The following CCSER1 variants were observed in gnomAD, a reference collection of about 807,000 sequenced individuals.
CCSER1 encodes coiled-coil serine rich protein 1, also known as serine-rich coiled-coil domain-containing protein 1.
Under a neutral mutation model 82.0 loss-of-function variants are expected in CCSER1, and 41 were observed. The observed-to-expected ratio is 0.50, with a 90% CI of 0.39 to 0.65. The LOEUF is 0.65. CCSER1 is among the 30% of genes least tolerant of loss of function. CCSER1 has a pLI of 0.00. For missense variants in CCSER1, 1,119 were observed against 1,064.2 expected, an observed-to-expected ratio of 1.05 and a Z score of -0.72; for synonymous variants, 414 against 383.9, an observed-to-expected ratio of 1.08 and a Z score of -0.92.
intron 3 of CCSER1, among the ~76,000 whole-genome samples, chr4:90,324,664 C>G (rs561153780): frequency 1.2e-4 from 18 of 151,466 alleles, no homozygotes; most frequent in African/African-American, 4.4e-4. Context: ...TGCAGAAGCT[C>G]TTTAGTTTAA....
chr4:91,117,454 A>T (rs916225456), intron 10 of CCSER1, among the ~76,000 whole-genome samples: 2 of 152,238 alleles, frequency 1.3e-5, no homozygotes, highest in Non-Finnish European at 2.9e-5. Context: ...AGCTTATAAC[A>T]TTCTTAGAAT....
chr4:91,128,630 G>C (rs1727718682), intron 10 of CCSER1, among the ~76,000 whole-genome samples: 1 of 152,054 alleles, frequency 6.6e-6, no homozygotes, highest in African/African-American at 2.4e-5. Flanking sequence ...AATATGGGTT[G>C]GCCAAAGAGC....
intron 1 of CCSER1, among the ~76,000 whole-genome samples, chr4:90,154,821 G>T (rs1295525938): frequency 1.2e-4 from 18 of 151,036 alleles, no homozygotes; most frequent in African/African-American, 4.1e-4. Flanking sequence ...CATGTCATCT[G>T]CAAACAGGGA....
chr4:90,814,172 A>T (rs1758706046), intron 7 of CCSER1, among the ~76,000 whole-genome samples: 1 of 152,184 alleles, frequency 6.6e-6, no homozygotes, highest in Admixed American at 6.5e-5. Flanking sequence ...GGCCCCTATT[A>T]GCCATGACTG....
At chr4:91,153,417 T>G (rs1276535247) in intron 10 of CCSER1, among the ~76,000 whole-genome samples, 1 of 151,928 alleles carries the variant, frequency 6.6e-6, no homozygotes, top group Non-Finnish European at 1.5e-5. Flanking sequence ...CGTCTAATCT[T>G]TTTTCAATGT....
chr4:90,911,295 G>T (rs1277864658), intron 8 of CCSER1: 1 of 455,998 alleles, frequency 2.2e-6, no homozygotes, highest in Non-Finnish European at 4.4e-6. Context: ...GGTTTTATTT[G>T]CTTGGCTGTG....
intron 5 of CCSER1, among the ~76,000 whole-genome samples, chr4:90,578,658 G>A (rs1159383054): frequency 6.6e-6 from 1 of 152,076 alleles, no homozygotes; most frequent in Middle Eastern, 3.2e-3. Context: ...AACGTTAATT[G>A]TATCTGCAAT....
chr4:90,739,794 C>A (rs561375379), intron 7 of CCSER1, among the ~76,000 whole-genome samples: 1 of 152,312 alleles, frequency 6.6e-6, no homozygotes, highest in Admixed American at 6.5e-5. Context: ...CTCCTTGAAG[C>A]ACACAGATTC....
Position 90,932,974 on chromosome 4 carries a change from GAAAGAAAGAGAAAGAAAGAAAGAA to G in CCSER1, c.2172+9529_2172+9552del, listed in dbSNP as rs1561384921. Among the ~76,000 whole-genome samples the G allele has an allele frequency of 3.9e-4, 12 of 30,464 alleles. 1 individual carries two copies. Among genetic ancestry groups the G allele is most frequent in the Non-Finnish European group, 6.3e-4 (11 of 17,512 alleles). The allele number at this position is 30,464 out of a possible 152,430, so 20.0% of individuals were successfully genotyped here. On this transcript the variant is annotated intron_variant, in intron 9 of 10. Coordinates refer to ENST00000509176, the MANE Select transcript of CCSER1 (RefSeq NM_001145065.2). ...AGAAAGAAAGAAAGAAAGAAAGAAA[GAAAGAAAGAGAAAGAAAGAAAGAA>G]AGAAAGAAAGAAAGAAAGAAAGAAA... is the stretch of plus-strand genomic sequence containing the variant.
At chr4:90,171,395 A>C (rs538975508) in intron 1 of CCSER1, among the ~76,000 whole-genome samples, 1 of 152,018 alleles carries the variant, frequency 6.6e-6, no homozygotes, top group South Asian at 2.1e-4. Flanking sequence ...AATATTTGTG[A>C]TGTAAAGTAA....
chr4:90,369,337 G>A (rs1412915356), intron 3 of CCSER1, among the ~76,000 whole-genome samples: 1 of 126,420 alleles, frequency 7.9e-6, no homozygotes, highest in African/African-American at 3.2e-5. Context: ...GAAGAAAGAA[G>A]AAGAAGAAAG....
intron 7 of CCSER1, among the ~76,000 whole-genome samples, chr4:90,747,271 C>G (rs546340646): frequency 6.6e-6 from 1 of 152,028 alleles, no homozygotes; most frequent in Non-Finnish European, 1.5e-5. Flanking sequence ...TGAAAGTTAC[C>G]TGAAATAATG....
intron 5 of CCSER1, among the ~76,000 whole-genome samples, chr4:90,583,705 A>C (rs1368803657): frequency 6.6e-6 from 1 of 152,096 alleles, no homozygotes; most frequent in Non-Finnish European, 1.5e-5. Flanking sequence ...AAACGAGAAT[A>C]CCTTTTTATG....
intron 5 of CCSER1, among the ~76,000 whole-genome samples, chr4:90,533,501 CT>C (rs376748074): frequency 2.3e-4 from 35 of 152,336 alleles, no homozygotes; most frequent in East Asian, 1.5e-3. Flanking sequence ...CTTCTGCTCT[CT>C]TTGCATAATT....
intron 5 of CCSER1, among the ~76,000 whole-genome samples, chr4:90,606,038 A>AT (rs1221309114): frequency 1.6e-4 from 24 of 152,148 alleles, no homozygotes; most frequent in Non-Finnish European, 3.2e-4. Context: ...CCTATTGATT[A>AT]TAATTTCATT....
chr4:90,603,554 G>A (rs959860333), intron 5 of CCSER1, among the ~76,000 whole-genome samples: 2 of 152,178 alleles, frequency 1.3e-5, no homozygotes, highest in African/African-American at 4.8e-5. Flanking sequence ...AGATGAAGGA[G>A]AGTGATGTTG....
rs1429744194 is a variant in CCSER1, at chr4:91,439,978, A to T, written c.2218-158594A>T. On this transcript the variant is annotated intron_variant, in intron 10 of 10. Coordinates refer to ENST00000509176, the MANE Select transcript of CCSER1 (RefSeq NM_001145065.2). ...AGATTCATAAAGCAAGTCCTGAGTG[A>T]CCTACAGAGAGACTTAGACTCCCAC... Among the ~76,000 whole-genome samples the T allele has an allele frequency of 4.6e-5, 7 of 152,164 alleles. No individual in the cohort carries two copies. The South Asian group carries it at 1.2e-3, about 27-fold the overall frequency.
intron 4 of CCSER1, among the ~76,000 whole-genome samples, chr4:90,451,492 C>G (rs982465980): frequency 5.3e-5 from 8 of 152,134 alleles, no homozygotes; most frequent in Non-Finnish European, 4.4e-5. Context: ...AGATTCTTAC[C>G]TGAGAACAAC....
chr4:91,271,779 A>G (rs1404002967), intron 10 of CCSER1, among the ~76,000 whole-genome samples: 1 of 151,952 alleles, frequency 6.6e-6, no homozygotes, highest in Non-Finnish European at 1.5e-5. Context: ...TTTGAGACGG[A>G]GTTTCGCTCT....
Sources: allele counts gnomAD v4.1 joint callset (sites outside exome capture counted in the v4.1 genomes callset), GRCh38; gene constraint gnomAD v4.1.1; transcripts MANE v1.5; gene names NCBI Gene and HGNC (gene_info 2026-07-23, HGNC 2026-07-21).